Variants in ATP4B observed in about 807,000 individuals in gnomAD.
ATP4B encodes the protein potassium-transporting ATPase subunit beta.
In ATP4B, 27 loss-of-function variants were observed where a neutral mutation model predicts 35.3. That is an observed-to-expected ratio of 0.76 (90% CI 0.56 to 1.05). The LOEUF (loss-of-function observed/expected upper bound fraction) is 1.05. ATP4B is among the 50% of genes least tolerant of loss of function. ATP4B has a pLI of 0.00. For missense variants in ATP4B, 375 were observed against 384.8 expected, an observed-to-expected ratio of 0.97 and a Z score of 0.21; for synonymous variants, 162 against 156.0, an observed-to-expected ratio of 1.04 and a Z score of -0.29.
Position 113,649,267 on chromosome 13 carries a change from C to T in ATP4B, c.*107G>A. ...CACTGACAACACCGTTGCTCCAAAC[C>T]ACTTTGGGGATGATTTGGCAGGGAA... is the stretch of plus-strand genomic sequence containing the variant. On this transcript the variant is annotated 3_prime_UTR_variant, in exon 7 of 7. Coordinates refer to ENST00000335288, the MANE Select transcript of ATP4B (RefSeq NM_000705.4). The surrounding 1 kb of genome is among the most constrained non-coding windows in gnomAD (Gnocchi z 4.7). 7.2e-7 allele frequency: 1 copy of T among 1,396,422 alleles called. No homozygotes were observed. The highest frequency in any genetic ancestry group is 9.6e-7 in the Non-Finnish European group (1 of 1,040,218). The allele number at this position is 1,396,422 out of a possible 1,614,324, so 86.5% of individuals were successfully genotyped here. A position where few individuals can be genotyped will look rare whatever the true frequency, so the allele number is the denominator to read the frequency against.
intron 2 of ATP4B, 73 bp from the exon 3 acceptor site, chr13:113,653,507 TGAGGATAC>T (rs1426645433): frequency 7.2e-7 from 1 of 1,397,780 alleles, no homozygotes; most frequent in African/African-American, 1.4e-5. Flanking sequence ...CTGAAGTGGC[TGAGGATAC>T]GCCAGAGGCG....
At chr13:113,657,581 T>C (rs2049765400) in intron 1 of ATP4B, among the ~76,000 whole-genome samples, 1 of 152,152 alleles carries the variant, frequency 6.6e-6, no homozygotes, top group Non-Finnish European at 1.5e-5. Flanking sequence ...ACTCCCCACC[T>C]CCGCATCTGG....
chr13:113,655,240 T>G (rs907495007), intron 1 of ATP4B, among the ~76,000 whole-genome samples: 16 of 152,278 alleles, frequency 1.1e-4, no homozygotes, highest in Admixed American at 9.1e-4. Flanking sequence ...CTGTTTGAGA[T>G]GTGGCCGAGG....
intron 5 of ATP4B, 103 bp downstream of exon 5, chr13:113,651,568 C>T: frequency 1.5e-6 from 2 of 1,301,422 alleles, no homozygotes; most frequent in Non-Finnish European, 2.0e-6. Context: ...CGACGGCTGA[C>T]ATTCCTGGAG....
intron 2 of ATP4B, among the ~76,000 whole-genome samples, chr13:113,654,460 A>G (rs1396313098): frequency 6.6e-6 from 1 of 152,224 alleles, no homozygotes; most frequent in African/African-American, 2.4e-5. Context: ...TTCCGTGTGC[A>G]TATCCAAGCA....
chr13:113,651,785 A>G (rs2049714928), intron 4 of ATP4B, 58 bp from the exon 5 acceptor site: 9 of 1,583,096 alleles, frequency 5.7e-6, no homozygotes, highest in Middle Eastern at 1.7e-4. Context: ...TGTGAGGTGC[A>G]CGGCACCCAC....
At position 113,653,305 on chromosome 13, in the gene ATP4B, C is replaced by T; in HGVS notation, c.355+16G>A. ...CACCCGCCGCTTCACACCTCACCTG[C>T]CGTTTCACACCTCACCTGCTAGGAA... On this transcript the variant is annotated intron_variant, in intron 3 of 6. Transcript: ENST00000335288. The T allele has an allele frequency of 6.2e-7, 1 of 1,610,178 alleles. No individual in the cohort carries two copies. The highest frequency in any genetic ancestry group is 8.5e-7 in the Non-Finnish European group (1 of 1,177,042).
rs1204279320 is a variant in ATP4B at position 113,652,897 on chromosome 13, T to G, written c.531A>C (p.Pro177=). The change falls in exon 4 of 7, where the codon CCA becomes CCC. Residue 177 remains proline (P), a synonymous_variant. Coordinates refer to ENST00000335288, the MANE Select transcript of ATP4B (RefSeq NM_000705.4). ...CCCTGTTCATTTTAATAATAAAACA[T>G]GGCTTTCCTTCTTCAAAGCCGAAGT... ...DPNFGFEEGK[P]CFIIKMNRIV... 8 of 1,614,070 alleles carry G rather than the reference T, an allele frequency of 5.0e-6. No homozygotes were observed. Among genetic ancestry groups the G allele is most frequent in the African/African-American group, 4.0e-5 (3 of 74,920 alleles).
chr13:113,656,763 C>CG (rs1240223315), intron 1 of ATP4B, among the ~76,000 whole-genome samples: 3 of 152,196 alleles, frequency 2.0e-5, no homozygotes, highest in African/African-American at 7.2e-5. Flanking sequence ...CCATGTCTAC[C>CG]GGCCAGGCAG....
chr13:113,655,744 T>G (rs545364856), intron 1 of ATP4B, among the ~76,000 whole-genome samples: 1 of 152,210 alleles, frequency 6.6e-6, no homozygotes, highest in Non-Finnish European at 1.5e-5. Context: ...AAGTCTGTAA[T>G]GAACTGGGCC....
rs111523653 is a variant in ATP4B, at chr13:113,650,505, G to C, written c.615C>G (p.Asp205Glu). 1.9e-5 allele frequency: 30 copies of C among 1,610,640 alleles called. No individual in the cohort carries two copies. In the African/African-American group the frequency reaches 2.4e-4, roughly 13 times the overall value. Residue 205 changes from aspartate (D) to glutamate (E), a missense_variant and splice_region_variant, in exon 6 of 7, where the codon GAC becomes GAG. Physicochemically the swap from Asp to Glu is conservative, Grantham distance 45 (BLOSUM62 2). Transcript: ENST00000335288. This position sits in a 1 kb window ranked among gnomAD's most constrained non-coding sequence, Gnocchi z 5.0. ...SAPRVDCAFL[D>E]QPRELGQPLQ... ...GCGGCTGGCCGAGCTCGCGGGGCTG[G>C]TCCTGGGGAGGAGAGGCCACTGCCT...
chr13:113,657,263 G>A (rs1172439002), intron 1 of ATP4B, among the ~76,000 whole-genome samples: 4 of 152,178 alleles, frequency 2.6e-5, no homozygotes, highest in Admixed American at 2.0e-4. Context: ...CCTGGGAGCC[G>A]GGGACGGCAC....
intron 5 of ATP4B, among the ~76,000 whole-genome samples, chr13:113,651,142 A>G (rs1219340525): frequency 6.6e-6 from 1 of 152,108 alleles, no homozygotes; most frequent in Non-Finnish European, 1.5e-5. Flanking sequence ...ACGCTGTGAA[A>G]CCTTTGCCTT....
At chr13:113,657,924 G>A (rs2049768066) in intron 1 of ATP4B, 109 bp downstream of exon 1, 1 of 879,220 alleles carries the variant, frequency 1.1e-6, no homozygotes, top group Admixed American at 2.6e-5. Context: ...GCAGCATCGG[G>A]GTCTCACTGT....
Position 113,654,804 on chromosome 13 carries a change from G to A in ATP4B, c.241+10C>T, listed in dbSNP as rs113425060. The A allele has an allele frequency of 1.2e-3, 1,882 of 1,612,792 alleles. 3 individuals are homozygous for A. Among genetic ancestry groups the A allele is most frequent in the Non-Finnish European group, 1.5e-3 (1,719 of 1,179,344 alleles). ...TCACACGGCATGGGGGCAACATCCC[G>A]GGCGCTTACCTGGTGACCGTAGCTG... On this transcript the variant is annotated intron_variant, in intron 2 of 6. Coordinates refer to ENST00000335288, the MANE Select transcript of ATP4B (RefSeq NM_000705.4).
Position 113,651,704 on chromosome 13 carries a change from G to C in ATP4B, c.579C>G (p.Asn193Lys). 6.2e-7 allele frequency: 1 copy of C among 1,613,792 alleles called. No homozygotes were observed. Among genetic ancestry groups the C allele is most frequent in the Non-Finnish European group, 8.5e-7 (1 of 1,179,836 alleles). The change falls in exon 5 of 7, where the codon AAC becomes AAG. Residue 193 changes from asparagine (N) to lysine (K), a missense_variant. Asn to Lys is a moderately conservative substitution (Grantham distance 94). Transcript: ENST00000335288. ...MNRIVKFLPS[N>K]GSAPRVDCAF... ...CGCAGTCCACTCTGGGGGCCGAGCC[G>C]TTGCTGGGGAGGAACTTGACGATCT...
intron 1 of ATP4B, among the ~76,000 whole-genome samples, chr13:113,656,770 G>T (rs979878361): frequency 6.6e-6 from 1 of 152,152 alleles, no homozygotes; most frequent in Non-Finnish European, 1.5e-5. Flanking sequence ...TACCGGCCAG[G>T]CAGTGAGACC....
chr13:113,655,024 T>C (rs994000497), intron 1 of ATP4B, 82 bp from the exon 2 acceptor site: 10 of 1,560,492 alleles, frequency 6.4e-6, no homozygotes, highest in Non-Finnish European at 8.7e-6. Context: ...GCGTCCGTGA[T>C]GTGGCGTGAC....
chr13:113,649,319 G>C lies in ATP4B; in HGVS notation c.*55C>G. 6.5e-7 allele frequency: 1 copy of C among 1,544,944 alleles called. No homozygotes were observed. Among genetic ancestry groups the C allele is most frequent in the Non-Finnish European group, 8.8e-7 (1 of 1,142,684 alleles). Reference sequence around the variant, plus strand: ...TGACGGGCAAGGTAAGCCCAACCAGGAGGGTGTCCTTGAGCGACCCCGCAG... The same window carrying C: ...TGACGGGCAAGGTAAGCCCAACCAGCAGGGTGTCCTTGAGCGACCCCGCAG... On this transcript the variant is annotated 3_prime_UTR_variant, in exon 7 of 7. Transcript: ENST00000335288. This position sits in a 1 kb window ranked among gnomAD's most constrained non-coding sequence, Gnocchi z 4.7.
Sources: allele counts gnomAD v4.1 joint callset (sites outside exome capture counted in the v4.1 genomes callset), GRCh38; gene constraint gnomAD v4.1.1; non-coding constraint Gnocchi (gnomAD v3.1); transcripts MANE v1.5; gene names NCBI Gene and HGNC (gene_info 2026-07-23, HGNC 2026-07-21).